SDK1: variants seen among roughly 807,000 people sequenced by gnomAD.
SDK1 encodes the protein protein sidekick-1.
SDK1 carries 157 observed loss-of-function variants against 245.5 expected under a neutral mutation model. That is an observed-to-expected ratio of 0.64 (90% CI 0.56 to 0.73). SDK1 has a LOEUF of 0.73. SDK1 is among the 30% of genes least tolerant of loss of function. The probability of loss-of-function intolerance (pLI) is 0.00; values close to 1 mark genes in which losing one functional copy is unlikely to be tolerated. For missense variants in SDK1, 3,583 were observed against 3,002.3 expected, an observed-to-expected ratio of 1.19 and a Z score of -4.52; for synonymous variants, 1,647 against 1,278.5, an observed-to-expected ratio of 1.29 and a Z score of -6.15.
intron 5 of SDK1, among the ~76,000 whole-genome samples, chr7:3,912,660 C>T (rs1029796215): frequency 6.6e-6 from 1 of 152,242 alleles, no homozygotes; most frequent in African/African-American, 2.4e-5. Context: ...TCTCCTGCCC[C>T]CTGGGCCCAC....
chr7:3,911,619 T>C (rs1172635361), intron 5 of SDK1, among the ~76,000 whole-genome samples: 1 of 152,182 alleles, frequency 6.6e-6, no homozygotes, highest in Non-Finnish European at 1.5e-5. Context: ...GGTTTCAACA[T>C]ATGAATTTTG....
chr7:3,722,720 C>G (rs1424248087), intron 4 of SDK1, among the ~76,000 whole-genome samples: 2 of 152,316 alleles, frequency 1.3e-5, no homozygotes, highest in South Asian at 4.1e-4. Flanking sequence ...TGCCCCACCC[C>G]CTGGTGCAGA....
At chr7:4,159,295 T>C (rs1488089229) in intron 31 of SDK1, among the ~76,000 whole-genome samples, 1 of 152,286 alleles carries the variant, frequency 6.6e-6, no homozygotes, top group Non-Finnish European at 1.5e-5. Context: ...CCACTTCTGC[T>C]CTCTCGATGA....
At chr7:3,386,084 G>T (rs1781603407) in intron 1 of SDK1, among the ~76,000 whole-genome samples, 1 of 152,064 alleles carries the variant, frequency 6.6e-6, no homozygotes. Flanking sequence ...TGACAGGATT[G>T]AGTAGGTAGA....
intron 4 of SDK1, among the ~76,000 whole-genome samples, chr7:3,673,148 G>A (rs935208333): frequency 1.2e-4 from 19 of 152,010 alleles, no homozygotes; most frequent in African/African-American, 4.1e-4. Flanking sequence ...AAGCTTTTCC[G>A]AAAATGAGTT....
chr7:3,735,116 C>T (rs866254756), intron 4 of SDK1, among the ~76,000 whole-genome samples: 1 of 151,874 alleles, frequency 6.6e-6, no homozygotes, highest in South Asian at 2.1e-4. Context: ...CCATTAATTG[C>T]TTTTACTACA....
At chr7:3,704,259 T>C (rs1211687224) in intron 4 of SDK1, among the ~76,000 whole-genome samples, 1 of 152,140 alleles carries the variant, frequency 6.6e-6, no homozygotes, top group African/African-American at 2.4e-5. Context: ...TTCTATGGTG[T>C]ATATATACCA....
intron 36 of SDK1, among the ~76,000 whole-genome samples, chr7:4,206,195 G>A (rs545631733): frequency 2.8e-4 from 43 of 152,372 alleles, no homozygotes; most frequent in African/African-American, 9.4e-4. Flanking sequence ...ACAGGGGCCA[G>A]GCTCACTGCA....
At chr7:3,977,501 C>T (rs1783043760) in intron 13 of SDK1, among the ~76,000 whole-genome samples, 1 of 152,234 alleles carries the variant, frequency 6.6e-6, no homozygotes, top group African/African-American at 2.4e-5. Flanking sequence ...GCATTGGAGC[C>T]TACGACCCTG....
chr7:3,366,543 G>C (rs1413025479), intron 1 of SDK1, among the ~76,000 whole-genome samples: 7 of 152,170 alleles, frequency 4.6e-5, no homozygotes, highest in African/African-American at 1.7e-4. Flanking sequence ...GTGACGTTCA[G>C]TTTCTTCTGA....
intron 38 of SDK1, among the ~76,000 whole-genome samples, chr7:4,211,972 G>A (rs1457423310): frequency 6.6e-6 from 1 of 152,160 alleles, no homozygotes; most frequent in East Asian, 1.9e-4. Flanking sequence ...ACACCAATGT[G>A]TCCACCAAAG....
At chr7:3,429,601 A>ATTTT (rs111619702) in intron 1 of SDK1, among the ~76,000 whole-genome samples, 2 of 140,562 alleles carry the variant, frequency 1.4e-5, no homozygotes, top group Non-Finnish European at 3.1e-5. Flanking sequence ...GCAAAAGCCT[A>ATTTT]TTTTTTTTTT....
At chr7:3,684,028 C>T (rs765800168) in intron 4 of SDK1, among the ~76,000 whole-genome samples, 1 of 152,154 alleles carries the variant, frequency 6.6e-6, no homozygotes, top group Non-Finnish European at 1.5e-5. Flanking sequence ...GCATCTCCAC[C>T]GCTGCTCCAC....
rs1288420638 is a variant in SDK1 at position 4,110,784 on chromosome 7, A to C, written c.3434+12A>C. On this transcript the variant is annotated intron_variant, in intron 23 of 44. Coordinates refer to ENST00000404826, the MANE Select transcript of SDK1 (RefSeq NM_152744.4). Reference sequence around the variant, plus strand: ...TACACTCACTACAGGTGAGAACAGCAGTGATAAGCTGTTACAGGAGGAAAC... The same window carrying C: ...TACACTCACTACAGGTGAGAACAGCCGTGATAAGCTGTTACAGGAGGAAAC... The C allele has an allele frequency of 6.4e-7, 1 of 1,564,462 alleles. No individual in the cohort carries two copies. Among genetic ancestry groups the C allele is most frequent in the East Asian group, 2.2e-5 (1 of 44,652 alleles).
intron 4 of SDK1, chr7:3,643,384 C>T (rs1782714384): frequency 6.7e-6 from 1 of 150,330 alleles, no homozygotes; most frequent in East Asian, 2.0e-4. Context: ...CCCACCTGAG[C>T]ATCTGTGGAA....
chr7:4,150,633 A>G (rs1780300863), intron 30 of SDK1, among the ~76,000 whole-genome samples: 1 of 152,220 alleles, frequency 6.6e-6, no homozygotes, highest in South Asian at 2.1e-4. Context: ...TTCCTGACTG[A>G]ACCTGAATGT....
intron 5 of SDK1, among the ~76,000 whole-genome samples, chr7:3,888,449 G>C (rs1781386187): frequency 6.6e-6 from 1 of 152,222 alleles, no homozygotes; most frequent in African/African-American, 2.4e-5. Flanking sequence ...GATGTACAGA[G>C]TGGATTCACA....
chr7:3,491,584 C>T (rs2141820), intron 1 of SDK1, among the ~76,000 whole-genome samples: 23,204 of 152,174 alleles, frequency 0.15, 2,231 homozygotes, highest in Middle Eastern at 0.25. Flanking sequence ...CCTATTTTGC[C>T]TGATGAGATT....
intron 22 of SDK1, among the ~76,000 whole-genome samples, chr7:4,093,458 CAAAAAAAAAAA>C (rs71032922): frequency 6.4e-5 from 5 of 77,784 alleles, no homozygotes; most frequent in South Asian, 8.1e-4. Flanking sequence ...AAATGGAAAG[CAAAAAAAAAAA>C]AAAAAAAAAA....
Sources: allele counts gnomAD v4.1 joint callset (sites outside exome capture counted in the v4.1 genomes callset), GRCh38; gene constraint gnomAD v4.1.1; transcripts MANE v1.5; gene names NCBI Gene and HGNC (gene_info 2026-07-23, HGNC 2026-07-21).